Variants in KMT2E observed in about 807,000 individuals in gnomAD.
KMT2E encodes the protein histone reader KMT2E.
Under a neutral mutation model 184.6 loss-of-function variants are expected in KMT2E, and 30 were observed. That is an observed-to-expected ratio of 0.16 (90% CI 0.12 to 0.22). The LOEUF (loss-of-function observed/expected upper bound fraction) is 0.22, where lower values mean the gene tolerates loss of function less well. Ranked by LOEUF, KMT2E falls within the 10% of genes least tolerant of loss-of-function variation. The probability of loss-of-function intolerance (pLI) is 1.00; values close to 1 mark genes in which losing one functional copy is unlikely to be tolerated. For synonymous variants in KMT2E, 815 were observed against 776.5 expected, an observed-to-expected ratio of 1.05 and a Z score of -0.82; for missense variants, 2,023 against 2,237.4, an observed-to-expected ratio of 0.90 and a Z score of 1.93.
chr7:105,087,768 T>C (rs1428012249), intron 13 of KMT2E, among the ~76,000 whole-genome samples: 1 of 151,478 alleles, frequency 6.6e-6, no homozygotes, highest in Non-Finnish European at 1.5e-5. Flanking sequence ...TTCTCTCTTG[T>C]GAATTGCCTG....
chr7:105,079,297 G>A (rs1315853707), intron 12 of KMT2E, among the ~76,000 whole-genome samples: 1 of 151,580 alleles, frequency 6.6e-6, no homozygotes, highest in Non-Finnish European at 1.5e-5. Context: ...ACCATGCCCG[G>A]CTATTTTTTT....
At chr7:105,045,868 G>A (rs1396159155) in intron 3 of KMT2E, among the ~76,000 whole-genome samples, 1 of 152,054 alleles carries the variant, frequency 6.6e-6, no homozygotes, top group Non-Finnish European at 1.5e-5. Context: ...AGGAATCGTC[G>A]ATCTCTTTTT....
chr7:105,110,792 A>G lies in KMT2E; in HGVS notation c.3992A>G (p.Glu1331Gly). The change falls in exon 26 of 27, where the codon GAA (glutamate) becomes GGA (glycine). Residue 1331 changes from glutamate (E) to glycine (G), a missense_variant. Physicochemically the swap from Glu to Gly is moderately conservative, Grantham distance 98 (BLOSUM62 -2). Coordinates refer to ENST00000311117, the MANE Select transcript of KMT2E (RefSeq NM_182931.3). ...ATAGACCCTGATCCTGAAAATCCAGAACCCACAACTACGAATGAATGTCCA... is the reference window on the plus strand; with the variant it reads ...ATAGACCCTGATCCTGAAAATCCAGGACCCACAACTACGAATGAATGTCCA... Reference protein sequence around the residue: ...LMEDPDPENPEPTTTNECPSP... With the variant: ...LMEDPDPENPGPTTTNECPSP... 1 of 1,614,090 alleles carries G rather than the reference A, an allele frequency of 6.2e-7. No individual in the cohort carries two copies. The highest frequency in any genetic ancestry group is 1.7e-5 in the Admixed American group (1 of 60,024).
At chr7:105,050,853 C>T (rs1056979447) in intron 3 of KMT2E, among the ~76,000 whole-genome samples, 2 of 151,780 alleles carry the variant, frequency 1.3e-5, no homozygotes, top group African/African-American at 4.8e-5. Context: ...CCTCAGCCTC[C>T]TGAGTAGCTG....
At chr7:105,030,293 T>C (rs574899484) in intron 1 of KMT2E, among the ~76,000 whole-genome samples, 2 of 152,304 alleles carry the variant, frequency 1.3e-5, no homozygotes, top group South Asian at 2.1e-4. Flanking sequence ...ATCTTAAAAC[T>C]ATCTAAAAAA....
chr7:105,110,246 T>A lies in KMT2E; in HGVS notation c.3756-34T>A, dbSNP rs1462441732. The stretch of plus-strand genomic sequence containing the variant: ...AACAATGTAACTAGCAGTAGTTTCT[T>A]TCAATAGAGGATAATGTGATTTTTC... On this transcript the variant is annotated intron_variant, in intron 23 of 26. Coordinates refer to ENST00000311117, the MANE Select transcript of KMT2E (RefSeq NM_182931.3). 3 of 1,555,104 alleles carry A rather than the reference T, an allele frequency of 1.9e-6. No individual in the cohort carries two copies. The South Asian group carries it at 3.3e-5, about 17-fold the overall frequency.
At chr7:105,087,175 TA>T (rs534723511) in intron 13 of KMT2E, among the ~76,000 whole-genome samples, 111 of 146,680 alleles carry the variant, frequency 7.6e-4, no homozygotes, top group African/African-American at 2.7e-3. Context: ...TATAATAAAA[TA>T]TATATTAGCA....
intron 14 of KMT2E, 51 bp downstream of exon 14, chr7:105,090,324 G>C (rs1453569393): frequency 2.6e-6 from 4 of 1,539,910 alleles, no homozygotes; most frequent in Non-Finnish European, 3.5e-6. Context: ...AAAATAATCT[G>C]TCATATTTTA....
chr7:105,026,192 A>G (rs1184955132), intron 1 of KMT2E, among the ~76,000 whole-genome samples: 1 of 152,150 alleles, frequency 6.6e-6, no homozygotes, highest in African/African-American at 2.4e-5. Context: ...CTGTAATTCA[A>G]AAGGGGATGG....
At chr7:105,068,014 A>G (rs552509437) in intron 6 of KMT2E, among the ~76,000 whole-genome samples, 1 of 152,180 alleles carries the variant, frequency 6.6e-6, no homozygotes, top group Non-Finnish European at 1.5e-5. Context: ...ACATGGAACA[A>G]AATCTCTGGC....
chr7:105,114,142 T>G lies in KMT2E; in HGVS notation c.*809T>G, dbSNP rs936441650. ...GATCTGTGTGTTTCTACAGAAGTTC[T>G]AGTTTTCAAATATAGATTGTAAGGA... On this transcript the variant is annotated 3_prime_UTR_variant, in exon 27 of 27. Coordinates refer to ENST00000311117, the MANE Select transcript of KMT2E (RefSeq NM_182931.3). The G allele has an allele frequency of 1.3e-5, 2 of 152,436 alleles. No homozygotes were observed. The highest frequency in any genetic ancestry group is 2.9e-5 in the Non-Finnish European group (2 of 68,040). The allele number at this position is 152,436 out of a possible 1,614,324, so 9.4% of individuals were successfully genotyped here. A position where few individuals can be genotyped will look rare whatever the true frequency, so the allele number is the denominator to read the frequency against.
chr7:105,074,192 CTTTGT>C (rs1044952121), intron 7 of KMT2E, among the ~76,000 whole-genome samples: 3 of 151,456 alleles, frequency 2.0e-5, no homozygotes, highest in African/African-American at 7.3e-5. Flanking sequence ...ATTATTTCTG[CTTTGT>C]TTTATTTTTG....
At chr7:105,043,966 C>T (rs187348027) in intron 3 of KMT2E, among the ~76,000 whole-genome samples, 19 of 152,198 alleles carry the variant, frequency 1.2e-4, no homozygotes, top group East Asian at 1.2e-3. Flanking sequence ...GGCATGGCAG[C>T]GCATGCCTGT....
rs771310847 is a variant in KMT2E, at chr7:105,112,293, G to T, written c.4537G>T (p.Ala1513Ser). The stretch of plus-strand genomic sequence containing the variant: ...GAACCTTCCAGCCAATACTCAGCAG[G>T]CAACTTCTGGAACATTATTTACACA... Reference protein sequence around the residue: ...AQNLPANTQQATSGTLFTQTP... With the variant: ...AQNLPANTQQSTSGTLFTQTP... The change falls in exon 27 of 27, where the codon GCA becomes TCA. Residue 1513 changes from alanine (A) to serine (S), a missense_variant. Ala to Ser is a moderately conservative substitution (Grantham distance 99). This residue lies in a region of KMT2E where 1,108 missense variants were observed against 1,050.9 expected (regional missense o/e 1.05). Coordinates refer to ENST00000311117, the MANE Select transcript of KMT2E (RefSeq NM_182931.3). 4.6e-5 allele frequency: 74 copies of T among 1,613,820 alleles called. No homozygotes were observed. The highest frequency in any genetic ancestry group is 6.2e-5 in the Non-Finnish European group (73 of 1,180,004).
At chr7:105,072,792 G>A (rs1422298080) in intron 6 of KMT2E, among the ~76,000 whole-genome samples, 2 of 152,176 alleles carry the variant, frequency 1.3e-5, no homozygotes, top group East Asian at 3.9e-4. Context: ...GCACATGCCC[G>A]GAACCCCAGC....
intron 22 of KMT2E, 35 bp downstream of exon 22, chr7:105,107,960 G>GT (rs34102092): frequency 0.21 from 232,642 of 1,127,812 alleles, 826 homozygotes; most frequent in South Asian, 0.26. Context: ...CCTTTTAATA[G>GT]TTTTTTTTTT....
intron 1 of KMT2E, among the ~76,000 whole-genome samples, chr7:105,016,862 G>A (rs1050200233): frequency 6.6e-6 from 1 of 152,134 alleles, no homozygotes; most frequent in African/African-American, 2.4e-5. Context: ...TCTAGCCTAC[G>A]AAATAATTAG....
Position 105,107,748 on chromosome 7 carries a change from A to C in KMT2E, c.3291A>C (p.Gly1097=), listed in dbSNP as rs930046666. Residue 1097 remains glycine (G), a synonymous_variant, in exon 22 of 27, where the codon GGA becomes GGC. Transcript: ENST00000311117. ...LTPSHQLEVG[G]GFRISESKCL... ...CCTCGCATCAGTTGGAGGTTGGAGGAGGCTTCCGAATAAGTGAGTCAAAGT... is the reference window on the plus strand; with the variant it reads ...CCTCGCATCAGTTGGAGGTTGGAGGCGGCTTCCGAATAAGTGAGTCAAAGT... The C allele has an allele frequency of 3.1e-6, 5 of 1,614,124 alleles. No homozygotes were observed. Among genetic ancestry groups the C allele is most frequent in the East Asian group, 4.5e-5 (2 of 44,864 alleles).
intron 3 of KMT2E, among the ~76,000 whole-genome samples, chr7:105,054,561 G>T (rs1299636781): frequency 6.6e-6 from 1 of 152,006 alleles, no homozygotes; most frequent in Non-Finnish European, 1.5e-5. Flanking sequence ...TTGTTGCCCA[G>T]GCTGGAGTGC....
Sources: allele counts gnomAD v4.1 joint callset (sites outside exome capture counted in the v4.1 genomes callset), GRCh38; gene constraint gnomAD v4.1.1; regional missense constraint gnomAD v4.1.1; transcripts MANE v1.5; gene names NCBI Gene and HGNC (gene_info 2026-07-23, HGNC 2026-07-21).